ALOX12: variants seen among roughly 807,000 people sequenced by gnomAD.
The protein encoded by ALOX12 is polyunsaturated fatty acid lipoxygenase ALOX12.
In ALOX12, 62 loss-of-function variants were observed where a neutral mutation model predicts 85.5. The observed-to-expected ratio is 0.73, with a 90% CI of 0.59 to 0.90. The LOEUF is 0.90. Among genes scored for constraint, ALOX12 ranks in the 40% least tolerant of loss-of-function variants. The pLI is 0.00. For missense variants in ALOX12, 751 were observed against 856.5 expected, an observed-to-expected ratio of 0.88 and a Z score of 1.54; for synonymous variants, 299 against 332.7, an observed-to-expected ratio of 0.90 and a Z score of 1.10.
At chr17:7,004,019 C>CT (rs67818631) in intron 8 of ALOX12, among the ~76,000 whole-genome samples, 141,000 of 150,188 alleles carry the variant, frequency 0.94, 66,701 homozygotes, top group Non-Finnish European at 1. Context: ...AGGACCATGC[C>CT]TTTTTTAATA....
intron 8 of ALOX12, chr17:7,002,096 A>T (rs1908740500): frequency 2.3e-6 from 1 of 433,354 alleles, no homozygotes; most frequent in Non-Finnish European, 4.2e-6. Flanking sequence ...CCTACCTTAG[A>T]TCTAGTATTT....
chr17:6,997,611 G>A (rs1234767510), intron 2 of ALOX12, among the ~76,000 whole-genome samples: 15 of 146,748 alleles, frequency 1.0e-4, no homozygotes, highest in South Asian at 2.2e-4. Context: ...AGGCTGGAGT[G>A]CAGTGGTGCG....
chr17:7,001,553 TATA>T (rs763843638), intron 7 of ALOX12, 46 bp from the exon 8 acceptor site: 1 of 1,513,278 alleles, frequency 6.6e-7, no homozygotes, highest in Non-Finnish European at 9.2e-7. Context: ...GAATGCTGAC[TATA>T]ATGTCATATA....
At chr17:6,996,765 C>A in intron 1 of ALOX12, 61 bp from the exon 2 acceptor site, 2 of 1,541,426 alleles carry the variant, frequency 1.3e-6, no homozygotes, top group South Asian at 2.4e-5. Context: ...GCGGCTCTGT[C>A]CTCGAAACGG....
chr17:7,006,764 G>A (rs546331437), intron 11 of ALOX12, among the ~76,000 whole-genome samples, 157 bp downstream of exon 11: 2 of 152,000 alleles, frequency 1.3e-5, no homozygotes, highest in African/African-American at 2.4e-5. Flanking sequence ...CACCTCCTCC[G>A]ACTCAGGACA....
In ALOX12 at chr17:7,009,866, C is replaced by G; in HGVS notation, c.1641+19C>G. 1.2e-6 allele frequency: 2 copies of G among 1,613,942 alleles called. No homozygotes were observed. Among genetic ancestry groups the G allele is most frequent in the Non-Finnish European group, 1.7e-6 (2 of 1,179,808 alleles). The stretch of plus-strand genomic sequence containing the variant: ...GGGCCAGGTATGGACAGCTGAAAGC[C>G]CAGGTCCCTGAAGGCAAGGTGACCT... On this transcript the variant is annotated intron_variant, in intron 12 of 13. Transcript: ENST00000251535.
rs552917054 is a variant in ALOX12, at chr17:7,009,810, C to T, written c.1604C>T (p.Thr535Met). 1.1e-5 allele frequency: 18 copies of T among 1,614,236 alleles called. 1 individual carries two copies. The highest frequency in any genetic ancestry group is 1.6e-4 in the Middle Eastern group (1 of 6,062). Residue 535 changes from threonine to methionine, a missense_variant, in exon 12 of 14, where the codon ACG (threonine) becomes ATG (methionine). Thr to Met is a moderately conservative substitution (Grantham distance 81). Coordinates refer to ENST00000251535, the MANE Select transcript of ALOX12 (RefSeq NM_000697.3). Reference sequence around the variant, plus strand: ...CATTTCCTCACCATGTGCGTCTTCACGTGCACTGCCCAGCATGCCGCCATC... The same window carrying T: ...CATTTCCTCACCATGTGCGTCTTCATGTGCACTGCCCAGCATGCCGCCATC... ...LCHFLTMCVF[T>M]CTAQHAAINQ...
Position 6,996,178 on chromosome 17 carries a change from C to G in ALOX12, c.61C>G (p.Arg21Gly). 2 of 1,253,602 alleles carry G rather than the reference C, an allele frequency of 1.6e-6. No homozygotes were observed. The highest frequency in any genetic ancestry group is 2.4e-4 in the Middle Eastern group (1 of 4,090). The allele number at this position is 1,253,602 out of a possible 1,614,324, so 77.7% of individuals were successfully genotyped here. A position where few individuals can be genotyped will look rare whatever the true frequency, so the allele number is the denominator to read the frequency against. ...CTGGCTCTTCTCCGGGTCGTACAAC[C>G]GCGTGCAGCTTTGGCTGGTCGGGAC... ...GAWLFSGSYNRVQLWLVGTRG... is the reference protein window; with the variant it reads ...GAWLFSGSYNGVQLWLVGTRG... The change falls in exon 1 of 14, where the codon CGC becomes GGC. Residue 21 changes from arginine to glycine, a missense_variant. Coordinates refer to ENST00000251535, the MANE Select transcript of ALOX12 (RefSeq NM_000697.3).
chr17:7,010,304 A>C lies in ALOX12; in HGVS notation c.1873A>C (p.Asn625His). 2 of 1,614,212 alleles carry C rather than the reference A, an allele frequency of 1.2e-6. No individual in the cohort carries two copies. Among genetic ancestry groups the C allele is most frequent in the Non-Finnish European group, 1.7e-6 (2 of 1,180,034 alleles). The part of the protein sequence containing the change: ...FSGPKPKAVL[N>H]QFRTDLEKLE... ...AGGCCCCAAGCCCAAAGCTGTGCTAAACCAATTCCGAACAGATTTGGAAAA... is the reference window on the plus strand; with the variant it reads ...AGGCCCCAAGCCCAAAGCTGTGCTACACCAATTCCGAACAGATTTGGAAAA... Residue 625 changes from asparagine to histidine, a missense_variant, in exon 14 of 14, where the codon AAC (asparagine) becomes CAC (histidine). By Grantham distance (68) the Asn-to-His change is moderately conservative (BLOSUM62 1). Coordinates refer to ENST00000251535, the MANE Select transcript of ALOX12 (RefSeq NM_000697.3).
intron 8 of ALOX12, among the ~76,000 whole-genome samples, chr17:7,003,409 C>CA (rs765554299): frequency 1.3e-5 from 2 of 151,928 alleles, no homozygotes; most frequent in Admixed American, 6.6e-5. Context: ...CTAAATGCTA[C>CA]AAAAAACATT....
Position 7,000,488 on chromosome 17 carries a change from C to T in ALOX12, c.951+9C>T. The stretch of plus-strand genomic sequence containing the variant: ...AGCCCATGGTCATCCAGGTAAGGGC[C>T]CCAGACCTCTCCCACAACGTTGCAC... On this transcript the variant is annotated intron_variant, in intron 7 of 13. Coordinates refer to ENST00000251535, the MANE Select transcript of ALOX12 (RefSeq NM_000697.3). The surrounding 1 kb of genome is among the most constrained non-coding windows in gnomAD (Gnocchi z 4.6). 6.2e-7 allele frequency: 1 copy of T among 1,613,226 alleles called. No individual in the cohort carries two copies. Among genetic ancestry groups the T allele is most frequent in the East Asian group, 2.2e-5 (1 of 44,866 alleles).
rs866609091 is a variant in ALOX12, at chr17:7,009,815, A to G, written c.1609A>G (p.Thr537Ala). Residue 537 changes from threonine (T) to alanine (A), a missense_variant, in exon 12 of 14, where the codon ACT becomes GCT. Transcript: ENST00000251535. ...HFLTMCVFTC[T>A]AQHAAINQGQ... ...CCTCACCATGTGCGTCTTCACGTGC[A>G]CTGCCCAGCATGCCGCCATCAACCA... The G allele has an allele frequency of 6.2e-7, 1 of 1,614,186 alleles. No individual in the cohort carries two copies. The highest frequency in any genetic ancestry group is 1.6e-4 in the Middle Eastern group (1 of 6,062).
At chr17:6,996,742 G>A in intron 1 of ALOX12, 84 bp from the exon 2 acceptor site, 1 of 1,463,094 alleles carries the variant, frequency 6.8e-7, no homozygotes, top group Non-Finnish European at 9.2e-7. Context: ...AGAAACTGAG[G>A]TTGCACAGGA....
intron 11 of ALOX12, among the ~76,000 whole-genome samples, chr17:7,008,979 T>C (rs1909236313): frequency 6.6e-6 from 1 of 152,128 alleles, no homozygotes; most frequent in South Asian, 2.1e-4. Context: ...CTCTGTCACC[T>C]GACTACCAGC....
chr17:7,003,588 G>A (rs1057183395), intron 8 of ALOX12, among the ~76,000 whole-genome samples: 14 of 152,100 alleles, frequency 9.2e-5, no homozygotes, highest in Admixed American at 3.3e-4. Context: ...CACCATGCCT[G>A]GCTAATTTTT....
intron 1 of ALOX12, 82 bp from the exon 2 acceptor site, chr17:6,996,744 T>A: frequency 2.7e-6 from 4 of 1,468,056 alleles, no homozygotes; most frequent in Non-Finnish European, 3.7e-6. Context: ...AAACTGAGGT[T>A]GCACAGGAGC....
intron 11 of ALOX12, 113 bp downstream of exon 11, chr17:7,006,720 C>T (rs1477047125): frequency 8.0e-6 from 11 of 1,377,176 alleles, no homozygotes; most frequent in Non-Finnish European, 7.8e-6. Context: ...CTCCCTTCCT[C>T]CCTCCACACG....
In ALOX12 at chr17:6,997,070, A is replaced by G. The variant is rs978580072; in HGVS notation, c.337+43A>G. On this transcript the variant is annotated intron_variant, in intron 2 of 13. Coordinates refer to ENST00000251535, the MANE Select transcript of ALOX12 (RefSeq NM_000697.3). ...GGGAAGGAGGCACAAGGTCTCGGGAACTGCTGCGGGGCTAGGAGGGCAGAG... is the reference window on the plus strand; with the variant it reads ...GGGAAGGAGGCACAAGGTCTCGGGAGCTGCTGCGGGGCTAGGAGGGCAGAG... 5 of 1,501,488 alleles carry G rather than the reference A, an allele frequency of 3.3e-6. No individual in the cohort carries two copies. The African/African-American group carries it at 6.9e-5, about 21-fold the overall frequency. 93.0% of individuals were successfully genotyped at this position (1,501,488 alleles called of 1,614,324 possible).
intron 2 of ALOX12, among the ~76,000 whole-genome samples, chr17:6,997,589 G>C (rs1908511604): frequency 7.4e-6 from 1 of 135,286 alleles, no homozygotes; most frequent in Non-Finnish European, 1.5e-5. Context: ...ATGGAGTCTT[G>C]CTTTGTTGCC....
Sources: gnomAD v4.1 joint callset for allele counts (sites outside exome capture counted in the v4.1 genomes callset) on GRCh38, gnomAD v4.1.1 for gene constraint, Gnocchi (gnomAD v3.1) non-coding constraint, MANE v1.5 for transcripts, NCBI Gene and HGNC (gene_info 2026-07-23, HGNC 2026-07-21) for gene names.